The following CSMD1 variants were observed in gnomAD, a reference collection of about 807,000 sequenced individuals.
CSMD1 encodes the protein CUB and Sushi multiple domains 1.
Under a neutral mutation model 417.5 loss-of-function variants are expected in CSMD1, and 213 were observed. That is an observed-to-expected ratio of 0.51 (90% CI 0.46 to 0.57). The LOEUF (loss-of-function observed/expected upper bound fraction) is 0.57, where lower values mean the gene tolerates loss of function less well. Among genes scored for constraint, CSMD1 ranks in the 20% least tolerant of loss-of-function variants. The pLI, the probability that CSMD1 is intolerant of heterozygous loss-of-function variation, is 0.00. For missense variants in CSMD1, 6,923 were observed against 4,529.7 expected, an observed-to-expected ratio of 1.53 and a Z score of -15.17; for synonymous variants, 2,862 against 1,736.8, an observed-to-expected ratio of 1.65 and a Z score of -16.11.
intron 1 of CSMD1, among the ~76,000 whole-genome samples, chr8:4,903,792 G>C (rs993214064): frequency 6.6e-6 from 1 of 152,150 alleles, no homozygotes; most frequent in Non-Finnish European, 1.5e-5. Context: ...TTAGCAGCAG[G>C]ACCTACTGTT....
At chr8:3,315,701 A>T (rs1030973644) in intron 23 of CSMD1, among the ~76,000 whole-genome samples, 1 of 152,256 alleles carries the variant, frequency 6.6e-6, no homozygotes, top group African/African-American at 2.4e-5. Context: ...AGAAATGTAA[A>T]CTTCTGAACT....
At chr8:3,648,802 A>G (rs1480259659) in intron 7 of CSMD1, among the ~76,000 whole-genome samples, 1 of 151,256 alleles carries the variant, frequency 6.6e-6, no homozygotes, top group Admixed American at 6.6e-5. Flanking sequence ...TTTACGCGGC[A>G]CCCCTCTCAG....
At chr8:4,173,117 T>A (rs997329176) in intron 3 of CSMD1, among the ~76,000 whole-genome samples, 1 of 152,142 alleles carries the variant, frequency 6.6e-6, no homozygotes, top group African/African-American at 2.4e-5. Context: ...ACGGAGGAAG[T>A]AACTATACAG....
intron 1 of CSMD1, among the ~76,000 whole-genome samples, chr8:4,960,027 A>G (rs901468335): frequency 2.0e-5 from 3 of 152,204 alleles, no homozygotes; most frequent in African/African-American, 4.8e-5. Context: ...TCAACAAGGC[A>G]TATGTAGCCT....
chr8:3,590,559 C>T (rs536184037), intron 8 of CSMD1, among the ~76,000 whole-genome samples: 6 of 152,182 alleles, frequency 3.9e-5, no homozygotes, highest in Non-Finnish European at 8.8e-5. Flanking sequence ...ATATTCAGTA[C>T]ATTGAGAGTA....
intron 1 of CSMD1, among the ~76,000 whole-genome samples, chr8:4,853,309 G>A (rs1198763650): frequency 6.6e-6 from 1 of 152,158 alleles, no homozygotes; most frequent in East Asian, 1.9e-4. Context: ...GTGAGACTCA[G>A]GGCTCTGAAG....
intron 30 of CSMD1, among the ~76,000 whole-genome samples, chr8:3,208,736 G>A (rs1221562514): frequency 6.6e-6 from 1 of 152,060 alleles, no homozygotes; most frequent in East Asian, 1.9e-4. Flanking sequence ...CTAATAAACT[G>A]CAGCATGGCT....
intron 5 of CSMD1, among the ~76,000 whole-genome samples, chr8:3,852,001 C>T (rs1043343995): frequency 1.1e-4 from 16 of 152,060 alleles, no homozygotes; most frequent in Non-Finnish European, 2.1e-4. Flanking sequence ...CATGGAGGGG[C>T]TGCAATCACC....
At position 3,708,436 on chromosome 8, in the gene CSMD1, A is replaced by G. The variant is rs375398749; in HGVS notation, c.987T>C (p.Asp329=). The part of the protein sequence containing the change: ...SRGVKMLPSK[D]GSHKNSVLSQ... ...CACAGACAGAGTTTTTATGGCTTCCATCCTTGCTGGGCAGCATCTTGACTC... is the reference window on the plus strand; with the variant it reads ...CACAGACAGAGTTTTTATGGCTTCCGTCCTTGCTGGGCAGCATCTTGACTC... The change falls in exon 7 of 70, where the codon GAT becomes GAC. Residue 329 remains aspartate, a synonymous_variant. Coordinates refer to ENST00000635120, the MANE Select transcript of CSMD1 (RefSeq NM_033225.6). 275 of 1,613,912 alleles carry G rather than the reference A, an allele frequency of 1.7e-4. No individual in the cohort carries two copies. The highest frequency in any genetic ancestry group is 4.0e-4 in the Admixed American group (24 of 60,022).
intron 1 of CSMD1, among the ~76,000 whole-genome samples, chr8:4,980,843 G>T (rs1250338560): frequency 2.6e-5 from 4 of 151,956 alleles, no homozygotes; most frequent in Non-Finnish European, 5.9e-5. Context: ...AGTTGAGGCT[G>T]CAGTGAGCGA....
At chr8:4,160,681 G>T (rs1202731239) in intron 3 of CSMD1, among the ~76,000 whole-genome samples, 1 of 152,208 alleles carries the variant, frequency 6.6e-6, no homozygotes, top group Admixed American at 6.5e-5. Context: ...TCCACGCAAT[G>T]TCCCACACTC....
At chr8:3,731,604 C>T (rs548333042) in intron 6 of CSMD1, among the ~76,000 whole-genome samples, 1 of 152,140 alleles carries the variant, frequency 6.6e-6, no homozygotes, top group Admixed American at 6.5e-5. Flanking sequence ...ATGAACTTTA[C>T]CAACCAAGGC....
At chr8:4,702,121 C>T (rs751385035) in intron 1 of CSMD1, among the ~76,000 whole-genome samples, 24 of 152,072 alleles carry the variant, frequency 1.6e-4, no homozygotes, top group East Asian at 5.8e-4. Context: ...ATGAGGTGGG[C>T]GAAGGTAGAG....
chr8:3,190,094 G>C lies in CSMD1; in HGVS notation c.5216C>G (p.Thr1739Ser). ...VYQAVPRTSD[T>S]QCSSVPEPRY... ...GGGCTCGGGGACAGAGCTGCATTGG[G>C]TGTCACTGGTACGAGGAACAGCTAG... The change falls in exon 34 of 70, where the codon ACC becomes AGC. Residue 1739 changes from threonine to serine, a missense_variant. Transcript: ENST00000635120. 1 of 1,591,274 alleles carries C rather than the reference G, an allele frequency of 6.3e-7. No individual in the cohort carries two copies. Among genetic ancestry groups the C allele is most frequent in the Non-Finnish European group, 8.6e-7 (1 of 1,168,902 alleles).
intron 2 of CSMD1, among the ~76,000 whole-genome samples, chr8:4,614,196 G>C (rs761252964): frequency 6.6e-6 from 1 of 152,156 alleles, no homozygotes; most frequent in Non-Finnish European, 1.5e-5. Context: ...AGAAAACAAA[G>C]GGCATTGGGG....
chr8:4,955,636 A>G (rs1483897747), intron 1 of CSMD1, among the ~76,000 whole-genome samples: 2 of 152,018 alleles, frequency 1.3e-5, no homozygotes, highest in East Asian at 3.9e-4. Context: ...TTGTATTTTT[A>G]ATAGAGACGG....
chr8:4,575,426 C>T (rs1413325131), intron 2 of CSMD1, among the ~76,000 whole-genome samples: 2 of 152,158 alleles, frequency 1.3e-5, no homozygotes, highest in Admixed American at 6.5e-5. Context: ...ATTTCCACTA[C>T]ATATTGTCTG....
chr8:4,009,050 CTTTAT>C (rs898960534), intron 4 of CSMD1, among the ~76,000 whole-genome samples: 1 of 152,036 alleles, frequency 6.6e-6, no homozygotes, highest in Non-Finnish European at 1.5e-5. Flanking sequence ...AATATTTTTC[CTTTAT>C]TGAGTTATCA....
chr8:4,341,246 G>A (rs1406595870), intron 3 of CSMD1, among the ~76,000 whole-genome samples: 1 of 152,040 alleles, frequency 6.6e-6, no homozygotes, highest in African/African-American at 2.4e-5. Flanking sequence ...CTGTTTTCCA[G>A]TATTTTTCAG....
Sources: allele counts gnomAD v4.1 joint callset (sites outside exome capture counted in the v4.1 genomes callset), GRCh38; gene constraint gnomAD v4.1.1; transcripts MANE v1.5; gene names NCBI Gene and HGNC (gene_info 2026-07-23, HGNC 2026-07-21).